The following ZNF503 variants were observed in gnomAD, a reference collection of about 807,000 sequenced individuals.
ZNF503 encodes the protein zinc finger protein 503, also known as NocA-like zinc finger 2.
A neutral mutation model predicts 34.4 loss-of-function variants in ZNF503; 15 were observed. That is an observed-to-expected ratio of 0.44 (90% CI 0.29 to 0.67). The LOEUF is 0.67. Ranked by LOEUF, ZNF503 falls within the 30% of genes least tolerant of loss-of-function variation. The probability of loss-of-function intolerance (pLI) is 0.13; values close to 1 mark genes in which losing one functional copy is unlikely to be tolerated. For synonymous variants in ZNF503, 580 were observed against 456.8 expected, an observed-to-expected ratio of 1.27 and a Z score of -3.44; for missense variants, 1,007 against 926.8, an observed-to-expected ratio of 1.09 and a Z score of -1.12.
At chr10:75,317,252 C>CA in the ZNF503 span, among the ~76,000 whole-genome samples, 1 of 144,514 alleles carries the variant, frequency 6.9e-6, no homozygotes, top group Non-Finnish European at 1.5e-5. Context: ...CAACATCCCA[C>CA]ACATCCCACG....
At chr10:75,283,764 A>C in the ZNF503 span, 1 of 152,338 alleles carries the variant, frequency 6.6e-6, no homozygotes, top group East Asian at 1.9e-4. Context: ...GTTCTAATGC[A>C]GTCGGCTGGG....
At chr10:75,333,439 G>A in the ZNF503 span, among the ~76,000 whole-genome samples, 1 of 55,694 alleles carries the variant, frequency 1.8e-5, no homozygotes. Context: ...CCCGGACGGG[G>A]CGGCTGGCCA....
the ZNF503 span, among the ~76,000 whole-genome samples, chr10:75,329,381 T>TTCCTTCCTTCCTTCCTTC: frequency 4.6e-4 from 60 of 129,114 alleles, no homozygotes; most frequent in African/African-American, 2.1e-3. Context: ...CTTCTTTCTT[T>TTCCTTCCTTCCTTCCTTC]CTTCCTTCCT....
chr10:75,365,825 T>C, the ZNF503 span, among the ~76,000 whole-genome samples: 1 of 152,210 alleles, frequency 6.6e-6, no homozygotes, highest in Non-Finnish European at 1.5e-5. Flanking sequence ...GCTTAGGTTG[T>C]TGTTACTTTC....
the ZNF503 span, among the ~76,000 whole-genome samples, chr10:75,314,777 C>A: frequency 4.1e-4 from 62 of 152,242 alleles, no homozygotes; most frequent in African/African-American, 1.3e-3. Flanking sequence ...AATTGCCAAC[C>A]AAGAATACTT....
the ZNF503 span, among the ~76,000 whole-genome samples, chr10:75,310,638 C>T: frequency 6.6e-6 from 1 of 152,168 alleles, no homozygotes; most frequent in East Asian, 1.9e-4. Context: ...AAGTAAGGAG[C>T]AAGGACTTTC....
chr10:75,364,539 G>C, the ZNF503 span, among the ~76,000 whole-genome samples: 19 of 152,234 alleles, frequency 1.2e-4, no homozygotes, highest in African/African-American at 4.6e-4. Flanking sequence ...ACACAAGTCT[G>C]GCAGCGGTAG....
At chr10:75,343,617 T>C in the ZNF503 span, among the ~76,000 whole-genome samples, 4 of 152,186 alleles carry the variant, frequency 2.6e-5, no homozygotes, top group African/African-American at 9.7e-5. Context: ...GCAGTGCCCC[T>C]CTTGATGTAC....
the ZNF503 span, among the ~76,000 whole-genome samples, chr10:75,386,435 G>A: frequency 6.6e-6 from 1 of 152,132 alleles, no homozygotes; most frequent in Non-Finnish European, 1.5e-5. Flanking sequence ...CCCAATACCT[G>A]AGTCTAAAGG....
At chr10:75,325,296 GTCTA>G in the ZNF503 span, among the ~76,000 whole-genome samples, 2 of 150,344 alleles carry the variant, frequency 1.3e-5, no homozygotes, top group Non-Finnish European at 2.9e-5. Flanking sequence ...TGATCTACAT[GTCTA>G]TCTTTTTGCC....
At chr10:75,343,181 C>G in the ZNF503 span, 1 of 152,228 alleles carries the variant, frequency 6.6e-6, no homozygotes, top group Non-Finnish European at 1.5e-5. Context: ...CTGAATGTAT[C>G]CTGTTATCTG....
chr10:75,342,266 G>T, the ZNF503 span, among the ~76,000 whole-genome samples: 1 of 152,252 alleles, frequency 6.6e-6, no homozygotes, highest in East Asian at 1.9e-4. Context: ...CCAGACAGAC[G>T]CGGTCACACA....
chr10:75,294,296 A>C, the ZNF503 span, among the ~76,000 whole-genome samples: 1 of 152,144 alleles, frequency 6.6e-6, no homozygotes, highest in Non-Finnish European at 1.5e-5. Context: ...AAAGGGGCTG[A>C]GGCCAGGGCT....
chr10:75,399,000 C>A lies in ZNF503; in HGVS notation c.1690G>T (p.Ala564Ser). 1 of 1,607,242 alleles carries A rather than the reference C, an allele frequency of 6.2e-7. No homozygotes were observed. Among genetic ancestry groups the A allele is most frequent in the Non-Finnish European group, 8.5e-7 (1 of 1,179,356 alleles). The part of the protein sequence containing the change: ...GYPSSSSLAS[A>S]AAAAMACHMH... ...TGGCAAGCCATGGCGGCCGCGGCAG[C>A]GCTGGCCAGAGACGACGAGCTGGGG... The change falls in exon 2 of 2, where the codon GCT (alanine) becomes TCT (serine). Residue 564 changes from alanine (A) to serine (S), a missense_variant. Coordinates refer to ENST00000372524, the MANE Select transcript of ZNF503 (RefSeq NM_032772.6).
the ZNF503 span, among the ~76,000 whole-genome samples, chr10:75,340,276 C>T: frequency 1.3e-5 from 2 of 152,136 alleles, no homozygotes; most frequent in Admixed American, 6.5e-5. Context: ...AATAGTCACA[C>T]ACACAGCAGT....
At chr10:75,311,195 T>C in the ZNF503 span, among the ~76,000 whole-genome samples, 26 of 152,182 alleles carry the variant, frequency 1.7e-4, no homozygotes, top group Non-Finnish European at 3.5e-4. Context: ...GCATCCAACA[T>C]GGGAGAAAGA....
At chr10:75,366,186 C>A in the ZNF503 span, among the ~76,000 whole-genome samples, 1 of 152,210 alleles carries the variant, frequency 6.6e-6, no homozygotes, top group South Asian at 2.1e-4. Flanking sequence ...TAGGCCATGG[C>A]AGCAAATAGG....
the ZNF503 span, among the ~76,000 whole-genome samples, chr10:75,387,561 T>C: frequency 6.6e-6 from 1 of 152,246 alleles, no homozygotes; most frequent in Non-Finnish European, 1.5e-5. Flanking sequence ...CTTCCTGATA[T>C]TCTATCTGGT....
the ZNF503 span, among the ~76,000 whole-genome samples, chr10:75,286,091 C>T: frequency 9.9e-5 from 15 of 151,940 alleles, no homozygotes; most frequent in Non-Finnish European, 1.5e-4. Flanking sequence ...AAGACCAGCC[C>T]GGCCAACATG....
Sources: allele counts gnomAD v4.1 joint callset (sites outside exome capture counted in the v4.1 genomes callset), GRCh38; gene constraint gnomAD v4.1.1; transcripts MANE v1.5; gene names NCBI Gene and HGNC (gene_info 2026-07-23, HGNC 2026-07-21).